Variants in DISC1 observed in about 807,000 individuals in gnomAD.
The protein encoded by DISC1 is DISC1 scaffold protein, also known as disrupted in schizophrenia 1 protein.
A neutral mutation model predicts 84.5 loss-of-function variants in DISC1; 57 were observed. That is an observed-to-expected ratio of 0.67 (90% CI 0.55 to 0.84). The LOEUF (loss-of-function observed/expected upper bound fraction) is 0.84. Among genes scored for constraint, DISC1 ranks in the 40% least tolerant of loss-of-function variants. The probability of loss-of-function intolerance (pLI) is 0.00; values close to 1 mark genes in which losing one functional copy is unlikely to be tolerated. For synonymous variants in DISC1, 411 were observed against 415.2 expected (o/e 0.99, Z 0.12); for missense variants, 1,000 against 1,057.8 (o/e 0.95, Z 0.76).
chr1:231,696,209 C>T (rs577902839), intron 2 of DISC1, among the ~76,000 whole-genome samples: 6 of 152,304 alleles, frequency 3.9e-5, no homozygotes, highest in South Asian at 2.1e-4. Context: ...TCACCATGGC[C>T]GCTGCCCTGG....
intron 1 of DISC1, among the ~76,000 whole-genome samples, chr1:231,666,309 G>GAAA (rs751745733): frequency 2.3e-5 from 2 of 87,270 alleles, no homozygotes; most frequent in Non-Finnish European, 4.7e-5. Context: ...TTTGTCTCAG[G>GAAA]AAAAAAAAAA....
intron 9 of DISC1, among the ~76,000 whole-genome samples, chr1:231,873,694 C>T (rs538865902): frequency 2.6e-5 from 4 of 152,250 alleles, no homozygotes; most frequent in Non-Finnish European, 2.9e-5. Context: ...TTAGATCATT[C>T]CCGCAGAGCC....
At chr1:231,771,815 T>C (rs1457965273) in intron 6 of DISC1, among the ~76,000 whole-genome samples, 3 of 152,148 alleles carry the variant, frequency 2.0e-5, no homozygotes, top group Non-Finnish European at 4.4e-5. Context: ...TATTTATTTA[T>C]TTTTAAGAGA....
At chr1:231,789,500 G>T (rs560745337) in intron 6 of DISC1, among the ~76,000 whole-genome samples, 53 of 152,332 alleles carry the variant, frequency 3.5e-4, no homozygotes, top group African/African-American at 1.2e-3. Context: ...CTGTAGAGGA[G>T]TGAGGGTGAA....
chr1:231,834,683 G>A (rs1384924117), intron 9 of DISC1, among the ~76,000 whole-genome samples: 1 of 151,988 alleles, frequency 6.6e-6, no homozygotes, highest in Non-Finnish European at 1.5e-5. Flanking sequence ...AGGGGGCAAT[G>A]GGGGGCAGAA....
At position 231,912,742 on chromosome 1, in the gene DISC1, C is replaced by CTTTCT. The variant is rs1553393983; in HGVS notation, c.1982-46084_1982-46083insTCTTT. Among the ~76,000 whole-genome samples, 188 of 132,564 alleles carry CTTTCT rather than the reference C, an allele frequency of 1.4e-3. 1 individual carries two copies. Among genetic ancestry groups the CTTTCT allele is most frequent in the East Asian group, 7.6e-3 (19 of 2,494 alleles). The allele number at this position is 132,564 out of a possible 152,430, so 87.0% of individuals were successfully genotyped here. Reference sequence around the variant, plus strand: ...GGGACATTTAAGTCTGCAGCTTGCTCTTCTTTCTTTCTTTCTTTCTTTCTT... The same window carrying CTTTCT: ...GGGACATTTAAGTCTGCAGCTTGCTCTTTCTTTCTTTCTTTCTTTCTTTCTTTCTT... On this transcript the variant is annotated intron_variant, in intron 9 of 12. Transcript: ENST00000439617.
chr1:231,862,221 G>A (rs909928193), intron 9 of DISC1, among the ~76,000 whole-genome samples: 2 of 152,172 alleles, frequency 1.3e-5, no homozygotes, highest in African/African-American at 4.8e-5. Flanking sequence ...AGGCATCTGA[G>A]ACTCAGAGGC....
chr1:231,853,398 G>T (rs1416270213), intron 9 of DISC1, among the ~76,000 whole-genome samples: 2 of 152,186 alleles, frequency 1.3e-5, no homozygotes. Flanking sequence ...GCAGCCTATT[G>T]CTCCTAGGCT....
chr1:231,908,926 G>A (rs901440695), intron 9 of DISC1, among the ~76,000 whole-genome samples: 1 of 152,084 alleles, frequency 6.6e-6, no homozygotes, highest in South Asian at 2.1e-4. Context: ...TATTCTCTTT[G>A]TAGCAATTGT....
At chr1:231,856,428 G>T (rs2084277033) in intron 9 of DISC1, among the ~76,000 whole-genome samples, 1 of 152,152 alleles carries the variant, frequency 6.6e-6, no homozygotes, top group South Asian at 2.1e-4. Context: ...AAACGATATT[G>T]TGGATATTGT....
intron 1 of DISC1, among the ~76,000 whole-genome samples, chr1:231,655,156 A>C (rs2060949586): frequency 6.6e-6 from 1 of 152,164 alleles, no homozygotes; most frequent in Admixed American, 6.6e-5. Flanking sequence ...TTTTGCTTAC[A>C]TGGATGAATG....
intron 6 of DISC1, among the ~76,000 whole-genome samples, chr1:231,778,643 G>A (rs190958720): frequency 7.6e-4 from 115 of 152,220 alleles, no homozygotes; most frequent in African/African-American, 2.6e-3. Context: ...TACAGGCAAC[G>A]TGGAAAAGTT....
chr1:231,691,393 T>TGCA, intron 1 of DISC1, among the ~76,000 whole-genome samples: 1 of 150,948 alleles, frequency 6.6e-6, no homozygotes, highest in East Asian at 2.0e-4. Context: ...ATTGTGCCAC[T>TGCA]GCACTCCAGC....
In DISC1 at chr1:232,009,753, A is replaced by G. The variant is rs575036603; in HGVS notation, c.2307+704A>G. On this transcript the variant is annotated intron_variant, in intron 11 of 12. Coordinates refer to ENST00000439617, the MANE Select transcript of DISC1 (RefSeq NM_018662.3). The surrounding 1 kb of genome is among the most constrained non-coding windows in gnomAD (Gnocchi z 4.6). ...AGAGTCTTTTCCATAAAAAGGCCCT[A>G]GGAAGTTTTTCCTGATTTCAGTGCC... 281 of 378,150 alleles carry G rather than the reference A, an allele frequency of 7.4e-4. 1 individual carries two copies. Among genetic ancestry groups the G allele is most frequent in the African/African-American group, 4.6e-3 (209 of 45,522 alleles). 23.4% of individuals were successfully genotyped at this position (378,150 alleles called of 1,614,324 possible).
At chr1:231,957,046 T>C (rs1466431575) in intron 9 of DISC1, among the ~76,000 whole-genome samples, 3 of 152,206 alleles carry the variant, frequency 2.0e-5, no homozygotes, top group Non-Finnish European at 2.9e-5. Context: ...TACCTCTTGA[T>C]AGGGAGTGGC....
intron 9 of DISC1, among the ~76,000 whole-genome samples, chr1:231,831,856 G>C (rs571980278): frequency 5.6e-4 from 85 of 152,086 alleles, no homozygotes; most frequent in Admixed American, 4.5e-3. Context: ...TAGTGGGGGG[G>C]GGTGGGCAGA....
chr1:231,870,831 G>C (rs2085404355), intron 9 of DISC1, among the ~76,000 whole-genome samples: 1 of 152,150 alleles, frequency 6.6e-6, no homozygotes, highest in African/African-American at 2.4e-5. Context: ...GATATGCCTG[G>C]TGAAATGACT....
At chr1:231,950,776 A>G (rs1454138577) in intron 9 of DISC1, among the ~76,000 whole-genome samples, 2 of 152,214 alleles carry the variant, frequency 1.3e-5, no homozygotes, top group African/African-American at 4.8e-5. Flanking sequence ...TTTATCTACT[A>G]TAAGCACTCG....
At chr1:232,026,688 T>C in intron 12 of DISC1, 136 bp downstream of exon 12, 1 of 661,430 alleles carries the variant, frequency 1.5e-6, no homozygotes, top group Non-Finnish European at 2.7e-6. Flanking sequence ...GCACCTCAGA[T>C]CTCTGAGATT....
Sources: gnomAD v4.1 joint callset for allele counts (sites outside exome capture counted in the v4.1 genomes callset) on GRCh38, gnomAD v4.1.1 for gene constraint, Gnocchi (gnomAD v3.1) non-coding constraint, MANE v1.5 for transcripts, NCBI Gene and HGNC (gene_info 2026-07-23, HGNC 2026-07-21) for gene names.